The following ANOS1 variants were observed in gnomAD, a reference collection of about 807,000 sequenced individuals.
ANOS1 encodes anosmin-1.
A neutral mutation model predicts 59.0 loss-of-function variants in ANOS1; 6 were observed. The observed-to-expected ratio is 0.10, with a 90% CI of 0.06 to 0.20. The LOEUF (loss-of-function observed/expected upper bound fraction) is 0.20, where lower values mean the gene tolerates loss of function less well. Among genes scored for constraint, ANOS1 ranks in the 10% least tolerant of loss-of-function variants. ANOS1 has a pLI of 1.00. For synonymous variants in ANOS1, 217 were observed against 223.4 expected (o/e 0.97, Z 0.25); for missense variants, 433 against 542.3 (o/e 0.80, Z 2.00).
intron 1 of ANOS1, among the ~76,000 whole-genome samples, chrX:8,716,900 C>T (rs145125454): frequency 2.4e-3 from 267 of 111,787 alleles, no homozygotes; most frequent in Non-Finnish European, 3.6e-3. Flanking sequence ...GAGACAGAGA[C>T]AGATGGAATA....
intron 1 of ANOS1, among the ~76,000 whole-genome samples, chrX:8,724,174 C>T (rs1217984403): frequency 8.9e-6 from 1 of 112,180 alleles, no homozygotes; most frequent in Non-Finnish European, 1.9e-5. Context: ...TATATTTTTA[C>T]TTATTCTACC....
chrX:8,716,846 G>A (rs767566438), intron 1 of ANOS1, among the ~76,000 whole-genome samples: 1 of 112,215 alleles, frequency 8.9e-6, no homozygotes, highest in East Asian at 2.8e-4. Context: ...TAGAGTGGAA[G>A]CAAAACATAT....
intron 8 of ANOS1, among the ~76,000 whole-genome samples, chrX:8,558,114 T>G (rs1003091768): frequency 3.7e-5 from 4 of 107,973 alleles, no homozygotes; most frequent in African/African-American, 1.4e-4. Context: ...TAAGTGGGAG[T>G]TGAACAATGA....
rs576084050 is a variant in ANOS1 at position 8,617,508 on chromosome X, C to A, written c.318+6100G>T. On this transcript the variant is annotated intron_variant, in intron 3 of 13. Transcript: ENST00000262648. ...TAATTAACTATGATTTGGCCAGGCG[C>A]AGTGGCTCACGCCTGTAATCCCAGC... Among the ~76,000 whole-genome samples, 77 of 111,512 alleles carry A rather than the reference C, an allele frequency of 6.9e-4. No individual in the cohort carries two copies. In the South Asian group the frequency reaches 0.028, roughly 40 times the overall value.
At chrX:8,673,466 C>A (rs1932288615) in intron 2 of ANOS1, among the ~76,000 whole-genome samples, 1 of 108,745 alleles carries the variant, frequency 9.2e-6, no homozygotes, top group South Asian at 4.1e-4. Context: ...AGGAAGGACT[C>A]AGTCAGACAG....
intron 3 of ANOS1, among the ~76,000 whole-genome samples, chrX:8,609,105 G>A (rs956599959): frequency 8.9e-6 from 1 of 112,011 alleles, no homozygotes; most frequent in Non-Finnish European, 1.9e-5. Flanking sequence ...AATATCTGGA[G>A]ATATTTTTGT....
At chrX:8,578,727 A>C (rs1350411776) in intron 6 of ANOS1, among the ~76,000 whole-genome samples, 1 of 112,548 alleles carries the variant, frequency 8.9e-6, no homozygotes, top group Non-Finnish European at 1.9e-5. Flanking sequence ...GTTAAGGATA[A>C]TTTAAGTTGG....
At position 8,648,084 on chromosome X, in the gene ANOS1, A is replaced by C. The variant is rs143401744; in HGVS notation, c.256-24414T>G. Among the ~76,000 whole-genome samples, 1,027 of 112,620 alleles carry C rather than the reference A, an allele frequency of 9.1e-3. 7 individuals are homozygous for C. The highest frequency in any genetic ancestry group is 0.019 in the Middle Eastern group (4 of 216). Reference sequence around the variant, plus strand: ...TTATAAATTGATAGACAAAACAATTAAAATAATGCTTCCAGGATGAACTAA... The same window carrying C: ...TTATAAATTGATAGACAAAACAATTCAAATAATGCTTCCAGGATGAACTAA... On this transcript the variant is annotated intron_variant, in intron 2 of 13. Transcript: ENST00000262648.
chrX:8,702,248 T>C (rs892077614), intron 1 of ANOS1, among the ~76,000 whole-genome samples: 3 of 112,080 alleles, frequency 2.7e-5, no homozygotes, highest in Admixed American at 9.5e-5. Context: ...AATAATTAGA[T>C]TGGGCAGAGG....
rs186121605 is a variant in ANOS1, at chrX:8,575,952, T to A, written c.857-5248A>T. Among the ~76,000 whole-genome samples the A allele has an allele frequency of 3.0e-3, 324 of 109,781 alleles. 3 individuals are homozygous for A. The highest frequency in any genetic ancestry group is 0.01 in the African/African-American group (306 of 30,080). ...GACCCTGTCTCTACAGAAAAAAAAA[T>A]TTTAAATTAGCTGGGGCATGGTGTT... On this transcript the variant is annotated intron_variant, in intron 6 of 13. Transcript: ENST00000262648.
chrX:8,699,487 C>T (rs1421672062), intron 2 of ANOS1, among the ~76,000 whole-genome samples: 1 of 111,857 alleles, frequency 8.9e-6, no homozygotes, highest in African/African-American at 3.2e-5. Context: ...TCCAATCTTA[C>T]ACATGATAAA....
Position 8,684,861 on chromosome X carries a change from G to A in ANOS1, c.255+14837C>T, listed in dbSNP as rs746827811. Among the ~76,000 whole-genome samples, 16 of 110,635 alleles carry A rather than the reference G, an allele frequency of 1.4e-4. No individual in the cohort carries two copies. The East Asian group carries it at 1.7e-3, about 12-fold the overall frequency. ...AAAAGACCCACCTTCCTCAGCAAGC[G>A]GAAGCCAGAGGAGCTGCGTCCCCAA... On this transcript the variant is annotated intron_variant, in intron 2 of 13. Coordinates refer to ENST00000262648, the MANE Select transcript of ANOS1 (RefSeq NM_000216.4).
In ANOS1 at chrX:8,661,303, C is replaced by T. The variant is rs895299631; in HGVS notation, c.256-37633G>A. ...GTCCTGAAGGCTGAAAGTCCAAGAT[C>T]AAGGTGTGGGCAGGGTTGGTGCCTC... is the stretch of plus-strand genomic sequence containing the variant. On this transcript the variant is annotated intron_variant, in intron 2 of 13. Transcript: ENST00000262648. Among the ~76,000 whole-genome samples, 3 of 111,537 alleles carry T rather than the reference C, an allele frequency of 2.7e-5. No individual in the cohort carries two copies. In the Admixed American group the frequency reaches 2.9e-4, roughly 11 times the overall value.
intron 3 of ANOS1, among the ~76,000 whole-genome samples, chrX:8,609,936 G>A (rs1931014478): frequency 4.9e-5 from 5 of 102,294 alleles, no homozygotes; most frequent in African/African-American, 1.4e-4. Context: ...GAACCCGGGA[G>A]GCGGAGCTTG....
At chrX:8,716,862 TAGAGACAGACACAGAGATAGAGACCC>T (rs1212234150) in intron 1 of ANOS1, among the ~76,000 whole-genome samples, 1 of 111,564 alleles carries the variant, frequency 9.0e-6, no homozygotes, top group Non-Finnish European at 1.9e-5. Context: ...CATATACAGA[TAGAGACAGACACAGAGATAGAGACCC>T]AGAGACAGAG....
At chrX:8,649,241 G>T (rs1931811394) in intron 2 of ANOS1, among the ~76,000 whole-genome samples, 1 of 112,038 alleles carries the variant, frequency 8.9e-6, no homozygotes, top group African/African-American at 3.2e-5. Context: ...GGCAGGTATG[G>T]ATGGAAGCAT....
chrX:8,725,625 GAT>G (rs745463210), intron 1 of ANOS1, among the ~76,000 whole-genome samples: 1 of 31,104 alleles, frequency 3.2e-5, no homozygotes, highest in South Asian at 1.0e-3. Context: ...TATATATACA[GAT>G]ATATATATAC....
chrX:8,660,548 G>A (rs1932019661), intron 2 of ANOS1, among the ~76,000 whole-genome samples: 2 of 111,247 alleles, frequency 1.8e-5, no homozygotes, highest in Admixed American at 1.9e-4. Flanking sequence ...GCCAAGGTGG[G>A]AGGATTGCTT....
chrX:8,699,791 C>T (rs761081884), intron 1 of ANOS1, 46 bp from the exon 2 acceptor site: 2 of 948,385 alleles, frequency 2.1e-6, no homozygotes, highest in African/African-American at 1.9e-5. Flanking sequence ...GAAAGCTACA[C>T]ATACACAGAT....
Sources: allele counts gnomAD v4.1 joint callset (sites outside exome capture counted in the v4.1 genomes callset), GRCh38; gene constraint gnomAD v4.1.1; transcripts MANE v1.5; gene names NCBI Gene and HGNC (gene_info 2026-07-23, HGNC 2026-07-21).